Variants in APCDD1 observed in about 807,000 individuals in gnomAD.
APCDD1 encodes APC down-regulated 1, also known as protein APCDD1.
APCDD1 carries 15 observed loss-of-function variants against 38.1 expected under a neutral mutation model. The observed-to-expected ratio is 0.39, with a 90% confidence interval of 0.26 to 0.61. The LOEUF (loss-of-function observed/expected upper bound fraction) is 0.61, where lower values mean the gene tolerates loss of function less well. Ranked by LOEUF, APCDD1 falls within the 20% of genes least tolerant of loss-of-function variation. The pLI, the probability that APCDD1 is intolerant of heterozygous loss-of-function variation, is 0.49. For missense variants in APCDD1, 647 were observed against 696.2 expected (o/e 0.93, Z 0.79); for synonymous variants, 261 against 279.7 (o/e 0.93, Z 0.67).
At chr18:10,459,677 T>C (rs2143508465) in intron 1 of APCDD1, among the ~76,000 whole-genome samples, 1 of 152,326 alleles carries the variant, frequency 6.6e-6, no homozygotes, top group African/African-American at 2.4e-5. Context: ...CAGTCTGCAA[T>C]ACATACATGC....
intron 1 of APCDD1, among the ~76,000 whole-genome samples, chr18:10,466,254 C>T (rs757689540): frequency 6.6e-6 from 1 of 152,208 alleles, no homozygotes; most frequent in Non-Finnish European, 1.5e-5. Flanking sequence ...AAGATAACTA[C>T]AACTGTTGAG....
rs138401718 is a variant in APCDD1 at position 10,487,977 on chromosome 18, C to G, written c.1484C>G (p.Ser495Cys). 239 of 1,613,828 alleles carry G rather than the reference C, an allele frequency of 1.5e-4. No homozygotes were observed. Among genetic ancestry groups the G allele is most frequent in the Non-Finnish European group, 1.9e-4 (230 of 1,180,036 alleles). ...YGRAPGRHTW[S>C]LLLAALACLV... ...CGGGCCCCTGGGAGGCACACCTGGT[C>G]CCTGCTGCTGGCTGCACTTGCCTGC... The change falls in exon 5 of 5, where the codon TCC becomes TGC. Residue 495 changes from serine to cysteine, a missense_variant. Coordinates refer to ENST00000355285, the MANE Select transcript of APCDD1 (RefSeq NM_153000.5).
chr18:10,455,159 C>T, intron 1 of APCDD1, 120 bp downstream of exon 1: 10 of 1,435,490 alleles, frequency 7.0e-6, no homozygotes, highest in South Asian at 1.4e-5. Flanking sequence ...CTTGGCGGGG[C>T]GGGTCCGAGG....
At chr18:10,487,504 T>TA in intron 4 of APCDD1, 86 bp from the exon 5 acceptor site, 3 of 1,346,416 alleles carry the variant, frequency 2.2e-6, no homozygotes, top group Admixed American at 1.7e-5. Flanking sequence ...CTTGTCTAGT[T>TA]AGAGTGTGGC....
At chr18:10,478,795 C>T (rs1163638686) in intron 3 of APCDD1, among the ~76,000 whole-genome samples, 1 of 152,156 alleles carries the variant, frequency 6.6e-6, no homozygotes, top group African/African-American at 2.4e-5. Context: ...CAGCTCTTCA[C>T]CCACTTCCTT....
At position 10,472,105 on chromosome 18, in the gene APCDD1, G is replaced by A; in HGVS notation, c.774+44G>A. 6.2e-7 allele frequency: 1 copy of A among 1,610,296 alleles called. No individual in the cohort carries two copies. The highest frequency in any genetic ancestry group is 8.5e-7 in the Non-Finnish European group (1 of 1,178,716). On this transcript the variant is annotated intron_variant, in intron 3 of 4. Coordinates refer to ENST00000355285, the MANE Select transcript of APCDD1 (RefSeq NM_153000.5). This position sits in a 1 kb window ranked among gnomAD's most constrained non-coding sequence, Gnocchi z 6.6. ...TTCTCCTCTTTATTGAGTAAAGTGG[G>A]TGATCCTTCTTAAAGGCTTGCCATG...
intron 1 of APCDD1, 56 bp downstream of exon 1, chr18:10,455,095 C>T: frequency 2.6e-6 from 4 of 1,542,650 alleles, no homozygotes; most frequent in Non-Finnish European, 3.5e-6. Flanking sequence ...GCCCGGGCGC[C>T]GCGGAGCCCG....
chr18:10,477,445 T>A (rs2031029109), intron 3 of APCDD1: 1 of 152,222 alleles, frequency 6.6e-6, no homozygotes. Flanking sequence ...TCACAATCAC[T>A]GGGCTACAAG....
intron 1 of APCDD1, among the ~76,000 whole-genome samples, chr18:10,463,293 C>T (rs538613270): frequency 2.0e-4 from 31 of 152,278 alleles, no homozygotes; most frequent in African/African-American, 6.5e-4. Flanking sequence ...GTTTCTTGCC[C>T]AACCGAGACT....
At position 10,471,513 on chromosome 18, in the gene APCDD1, C is replaced by T; in HGVS notation, c.243-17C>T. On this transcript the variant is annotated splice_polypyrimidine_tract_variant and intron_variant, in intron 2 of 4. Transcript: ENST00000355285. This position sits in a 1 kb window ranked among gnomAD's most constrained non-coding sequence, Gnocchi z 5.5. ...TTCAGGCTTACAAAGGTCTCTTCTT[C>T]CCCTTTTCTTGCCCAGCTGTGAAGT... is the stretch of plus-strand genomic sequence containing the variant. 1 of 1,614,170 alleles carries T rather than the reference C, an allele frequency of 6.2e-7. No individual in the cohort carries two copies. The highest frequency in any genetic ancestry group is 8.5e-7 in the Non-Finnish European group (1 of 1,180,026).
Position 10,485,802 on chromosome 18 carries a change from G to A in APCDD1, c.1096+19G>A. On this transcript the variant is annotated intron_variant, in intron 4 of 4. Coordinates refer to ENST00000355285, the MANE Select transcript of APCDD1 (RefSeq NM_153000.5). The surrounding 1 kb of genome is among the most constrained non-coding windows in gnomAD (Gnocchi z 5.8). ...TTCAAAGGTAGGATTCCCATCTCAA[G>A]TCCCAGTATCACAGCCAATAAACAG... 6.2e-7 allele frequency: 1 copy of A among 1,609,394 alleles called. No individual in the cohort carries two copies. The highest frequency in any genetic ancestry group is 8.5e-7 in the Non-Finnish European group (1 of 1,179,658).
intron 4 of APCDD1, among the ~76,000 whole-genome samples, chr18:10,486,071 G>A (rs904507505): frequency 6.6e-6 from 1 of 152,214 alleles, no homozygotes; most frequent in Non-Finnish European, 1.5e-5. Context: ...GAAATCTCTG[G>A]CCAGGTGCGG....
chr18:10,459,135 C>T (rs546366260), intron 1 of APCDD1, among the ~76,000 whole-genome samples: 8 of 152,312 alleles, frequency 5.3e-5, no homozygotes, highest in African/African-American at 1.7e-4. Flanking sequence ...CTACTATGTG[C>T]CAAGTGCCAC....
At chr18:10,479,252 C>G (rs1029845710) in intron 3 of APCDD1, among the ~76,000 whole-genome samples, 16 of 152,182 alleles carry the variant, frequency 1.1e-4, no homozygotes, top group African/African-American at 3.4e-4. Flanking sequence ...TCCGAGGGAA[C>G]AAAACCCTAG....
Position 10,476,607 on chromosome 18 carries a change from A to G in APCDD1, c.774+4546A>G, listed in dbSNP as rs909651609. The G allele has an allele frequency of 6.6e-6, 1 of 152,240 alleles. No individual in the cohort carries two copies. The highest frequency in any genetic ancestry group is 1.9e-4 in the East Asian group (1 of 5,196). The allele number at this position is 152,240 out of a possible 1,614,324, so 9.4% of individuals were successfully genotyped here. On this transcript the variant is annotated intron_variant, in intron 3 of 4. Coordinates refer to ENST00000355285, the MANE Select transcript of APCDD1 (RefSeq NM_153000.5). This position sits in a 1 kb window ranked among gnomAD's most constrained non-coding sequence, Gnocchi z 5.8. The stretch of plus-strand genomic sequence containing the variant: ...GATTGCCAAGGTCGTTAGAGATGCC[A>G]GAGCCTCAGGATCAGACTCGTAAGC...
chr18:10,465,024 C>T (rs2030672084), intron 1 of APCDD1, among the ~76,000 whole-genome samples: 1 of 152,180 alleles, frequency 6.6e-6, no homozygotes, highest in Non-Finnish European at 1.5e-5. Context: ...TGAAACCAAC[C>T]TTAAGAAGTG....
chr18:10,478,921 C>T (rs970232482), intron 3 of APCDD1, among the ~76,000 whole-genome samples: 10 of 152,136 alleles, frequency 6.6e-5, no homozygotes, highest in Admixed American at 2.0e-4. Context: ...GGCAGGTGGG[C>T]GCCCATCATT....
In APCDD1 at chr18:10,487,947, A is replaced by G; in HGVS notation, c.1454A>G (p.Tyr485Cys). 1.9e-6 allele frequency: 3 copies of G among 1,613,632 alleles called. No individual in the cohort carries two copies. Among genetic ancestry groups the G allele is most frequent in the Non-Finnish European group, 2.5e-6 (3 of 1,179,912 alleles). Reference protein sequence around the residue: ...DLAEDSGSSLYGRAPGRHTWS... With the variant: ...DLAEDSGSSLCGRAPGRHTWS... ...GCAGAAGACAGTGGAAGCAGCCTGT[A>G]TGGCCGGGCCCCTGGGAGGCACACC... Residue 485 changes from tyrosine to cysteine, a missense_variant, in exon 5 of 5, where the codon TAT becomes TGT. Transcript: ENST00000355285.
In APCDD1 at chr18:10,475,846, ATTC is replaced by A. The variant is rs1286091627; in HGVS notation, c.774+3790_774+3792del. ...GTGGCTCTGGTAGCTGAAAGGGTCC[ATTC>A]TTCTCTTGTCTCTCGCCTTGTACCT... is the stretch of plus-strand genomic sequence containing the variant. On this transcript the variant is annotated intron_variant, in intron 3 of 4. Transcript: ENST00000355285. This position sits in a 1 kb window ranked among gnomAD's most constrained non-coding sequence, Gnocchi z 4.0. The A allele has an allele frequency of 1.3e-5, 2 of 151,038 alleles. No homozygotes were observed. The highest frequency in any genetic ancestry group is 2.9e-5 in the Non-Finnish European group (2 of 68,124). The allele number at this position is 151,038 out of a possible 1,614,324, so 9.4% of individuals were successfully genotyped here.
Sources: gnomAD v4.1 joint callset for allele counts (sites outside exome capture counted in the v4.1 genomes callset) on GRCh38, gnomAD v4.1.1 for gene constraint, Gnocchi (gnomAD v3.1) non-coding constraint, MANE v1.5 for transcripts, NCBI Gene and HGNC (gene_info 2026-07-23, HGNC 2026-07-21) for gene names.